Variants in OPCML observed in about 807,000 individuals in gnomAD.
OPCML encodes opioid binding protein/cell adhesion molecule like.
A neutral mutation model predicts 37.8 loss-of-function variants in OPCML; 13 were observed. The ratio of observed to expected loss-of-function variants is 0.34; its 90% CI spans 0.22 to 0.55. OPCML has a LOEUF of 0.55. Among genes scored for constraint, OPCML ranks in the 20% least tolerant of loss-of-function variants. The pLI is 0.91. For synonymous variants in OPCML, 176 were observed against 168.8 expected, an observed-to-expected ratio of 1.04 and a Z score of -0.33; for missense variants, 341 against 435.6, an observed-to-expected ratio of 0.78 and a Z score of 1.93.
intron 2 of OPCML, among the ~76,000 whole-genome samples, chr11:132,709,103 C>T (rs968352492): frequency 4.6e-5 from 7 of 152,184 alleles, no homozygotes; most frequent in African/African-American, 1.7e-4. Context: ...CTCTAACCTC[C>T]TGTGGTGATA....
At chr11:133,340,604 C>CTGTGTGTG (rs1198927456) in intron 1 of OPCML, among the ~76,000 whole-genome samples, 2 of 105,998 alleles carry the variant, frequency 1.9e-5, no homozygotes, top group Admixed American at 2.2e-4. Flanking sequence ...AATTAAGACT[C>CTGTGTGTG]TCTCTGTGTG....
chr11:133,380,506 G>A (rs1399712662), intron 1 of OPCML, among the ~76,000 whole-genome samples: 2 of 152,084 alleles, frequency 1.3e-5, no homozygotes. Flanking sequence ...TCTTCCCATG[G>A]ATTGTAGATT....
intron 1 of OPCML, among the ~76,000 whole-genome samples, chr11:133,374,728 G>T (rs894909386): frequency 6.6e-6 from 1 of 152,082 alleles, no homozygotes; most frequent in African/African-American, 2.4e-5. Flanking sequence ...GTTTTTATTT[G>T]CTCATTACCT....
chr11:132,616,747 T>C (rs1939052695), intron 3 of OPCML, among the ~76,000 whole-genome samples: 1 of 152,220 alleles, frequency 6.6e-6, no homozygotes. Context: ...GCACCATCTC[T>C]GAATTAGGCA....
At position 133,208,774 on chromosome 11, in the gene OPCML, G is replaced by A. The variant is rs1336417151; in HGVS notation, c.62-265764C>T. ...ATCTAAAGCAATGGCCCTTCTCTAGGACCAAAGGGATACACCAAGTGCTGG... is the reference window on the plus strand; with the variant it reads ...ATCTAAAGCAATGGCCCTTCTCTAGAACCAAAGGGATACACCAAGTGCTGG... On this transcript the variant is annotated intron_variant, in intron 1 of 7. Transcript: ENST00000524381. The surrounding 1 kb of genome is among the most constrained non-coding windows in gnomAD (Gnocchi z 8.9). 6.6e-6 allele frequency among the ~76,000 whole-genome samples: 1 copy of A among 152,076 alleles called. No homozygotes were observed. Among genetic ancestry groups the A allele is most frequent in the Non-Finnish European group, 1.5e-5 (1 of 68,024 alleles).
At chr11:132,664,426 A>G (rs1942134830) in intron 2 of OPCML, among the ~76,000 whole-genome samples, 1 of 152,134 alleles carries the variant, frequency 6.6e-6, no homozygotes, top group Non-Finnish European at 1.5e-5. Flanking sequence ...TTTTTAATAC[A>G]TTCCCCCATA....
At chr11:132,584,555 C>A (rs2096468551) in intron 3 of OPCML, among the ~76,000 whole-genome samples, 1 of 152,022 alleles carries the variant, frequency 6.6e-6, no homozygotes, top group Non-Finnish European at 1.5e-5. Context: ...ATCTACAGAA[C>A]TAGCTAGTTA....
chr11:132,826,186 G>A (rs1359525803), intron 2 of OPCML, among the ~76,000 whole-genome samples: 1 of 152,160 alleles, frequency 6.6e-6, no homozygotes, highest in Non-Finnish European at 1.5e-5. Context: ...ACACCCTTAA[G>A]TATGCATGCT....
rs546814810 is a variant in OPCML, at chr11:132,763,017, G to T, written c.147-105698C>A. 3.3e-4 allele frequency among the ~76,000 whole-genome samples: 51 copies of T among 152,254 alleles called. 1 individual carries two copies. In the South Asian group the frequency reaches 0.011, roughly 32 times the overall value. ...AAAAGCGTAGTATCTGGGCCAGATA[G>T]CACCATCCCTCATGTCACAGTCCCT... On this transcript the variant is annotated intron_variant, in intron 2 of 7. Transcript: ENST00000524381.
rs532328708 is a variant in OPCML at position 133,404,859 on chromosome 11, G to A, written c.61+127405C>T. On this transcript the variant is annotated intron_variant, in intron 1 of 7. Transcript: ENST00000524381. ...CTTTGATGAAGTTTAGTCTAGAGCA[G>A]AATAATAAAATACAAACAGATAATA... Among the ~76,000 whole-genome samples the A allele has an allele frequency of 7.2e-5, 11 of 152,264 alleles. No individual in the cohort carries two copies. In the South Asian group the frequency reaches 1.4e-3, roughly 20 times the overall value.
At chr11:132,941,595 T>C (rs571816600) in intron 2 of OPCML, among the ~76,000 whole-genome samples, 1 of 152,316 alleles carries the variant, frequency 6.6e-6, no homozygotes, top group Non-Finnish European at 1.5e-5. Context: ...GATATTACAT[T>C]CTAGTCTGGG....
intron 1 of OPCML, among the ~76,000 whole-genome samples, chr11:133,224,826 A>G (rs1186817583): frequency 1.1e-4 from 16 of 152,210 alleles, no homozygotes; most frequent in Non-Finnish European, 4.4e-5. Flanking sequence ...GTCCCAAGGA[A>G]TTTGGAGCTA....
intron 2 of OPCML, among the ~76,000 whole-genome samples, chr11:132,852,798 C>G (rs1395222574): frequency 6.6e-6 from 1 of 151,824 alleles, no homozygotes; most frequent in Non-Finnish European, 1.5e-5. Context: ...AGGTATACCA[C>G]AGTATGGTGG....
chr11:133,495,991 AG>A (rs2120489867), intron 1 of OPCML, among the ~76,000 whole-genome samples: 1 of 152,286 alleles, frequency 6.6e-6, no homozygotes, highest in African/African-American at 2.4e-5. Context: ...AATGTCTGGA[AG>A]GGTTTTACCA....
chr11:132,982,068 A>G (rs1946599807), intron 1 of OPCML, among the ~76,000 whole-genome samples: 1 of 152,122 alleles, frequency 6.6e-6, no homozygotes, highest in South Asian at 2.1e-4. Context: ...CTACGGCTCG[A>G]ATACGGGCCC....
intron 1 of OPCML, among the ~76,000 whole-genome samples, chr11:132,958,185 G>T (rs1033869491): frequency 1.3e-5 from 2 of 152,224 alleles, no homozygotes; most frequent in African/African-American, 2.4e-5. Context: ...CAGTCTTGTT[G>T]CTGACACAGA....
intron 2 of OPCML, among the ~76,000 whole-genome samples, chr11:132,838,673 AATTT>A (rs1310213335): frequency 1.3e-5 from 2 of 152,200 alleles, no homozygotes; most frequent in East Asian, 3.8e-4. Context: ...CGACTTTTAA[AATTT>A]ATTTTTTTAT....
At chr11:133,511,768 C>G (rs948102276) in intron 1 of OPCML, among the ~76,000 whole-genome samples, 4 of 151,532 alleles carry the variant, frequency 2.6e-5, no homozygotes, top group Non-Finnish European at 1.5e-5. Flanking sequence ...TATCTACATG[C>G]TATGTTTGTT....
At chr11:132,919,974 G>C (rs1280277180) in intron 2 of OPCML, among the ~76,000 whole-genome samples, 2 of 152,214 alleles carry the variant, frequency 1.3e-5, no homozygotes, top group Non-Finnish European at 2.9e-5. Context: ...TTTGAAGCTT[G>C]CCAGGGGCTA....
Sources: allele counts gnomAD v4.1 joint callset (sites outside exome capture counted in the v4.1 genomes callset), GRCh38; gene constraint gnomAD v4.1.1; non-coding constraint Gnocchi (gnomAD v3.1); transcripts MANE v1.5; gene names NCBI Gene and HGNC (gene_info 2026-07-23, HGNC 2026-07-21).